Variants in SEC14L6 observed in about 807,000 individuals in gnomAD.
SEC14L6 encodes the protein SEC14-like protein 6.
A neutral mutation model predicts 54.1 loss-of-function variants in SEC14L6; 40 were observed. The ratio of observed to expected loss-of-function variants is 0.74; its 90% confidence interval spans 0.57 to 0.96. SEC14L6 has a LOEUF of 0.96. SEC14L6 is among the 40% of genes least tolerant of loss of function. SEC14L6 has a pLI of 0.00. For synonymous variants in SEC14L6, 171 were observed against 198.4 expected (o/e 0.86, Z 1.16); for missense variants, 471 against 498.3 (o/e 0.95, Z 0.52).
rs115542759 is a variant in SEC14L6, at chr22:30,541,095, G to A, written c.55-2193C>T. Among the ~76,000 whole-genome samples the A allele has an allele frequency of 7.2e-3, 1,092 of 151,622 alleles. 10 individuals carry two copies. Among genetic ancestry groups the A allele is most frequent in the African/African-American group, 0.025 (1,025 of 41,314 alleles). ...GCTTTATGGGGATATAATCAGATGCGAATTCACACTTGAACAACTTGTAAG... is the reference window on the plus strand; with the variant it reads ...GCTTTATGGGGATATAATCAGATGCAAATTCACACTTGAACAACTTGTAAG... On this transcript the variant is annotated intron_variant, in intron 1 of 11. Transcript: ENST00000402034.
At chr22:30,530,128 G>T (rs1353368333) in intron 6 of SEC14L6, among the ~76,000 whole-genome samples, 1 of 152,056 alleles carries the variant, frequency 6.6e-6, no homozygotes, top group Non-Finnish European at 1.5e-5. Flanking sequence ...CTGAGATATT[G>T]TCCGGGCGTG....
chr22:30,527,568 A>G (rs548727694), intron 8 of SEC14L6, among the ~76,000 whole-genome samples: 31 of 152,092 alleles, frequency 2.0e-4, no homozygotes, highest in Admixed American at 1.6e-3. Flanking sequence ...AAGTCCTAAC[A>G]TGTAACCAGG....
chr22:30,531,906 C>T lies in SEC14L6; in HGVS notation c.516G>A (p.Gln172=), dbSNP rs1936987362. 4 of 1,550,318 alleles carry T rather than the reference C, an allele frequency of 2.6e-6. No individual in the cohort carries two copies. Among genetic ancestry groups the T allele is most frequent in the Non-Finnish European group, 3.5e-6 (4 of 1,146,776 alleles). The change falls in exon 6 of 12, where the codon CAG becomes CAA. Residue 172 remains glutamine (Q), a synonymous_variant. Transcript: ENST00000402034. Reference sequence around the variant, plus strand: ...GCCCCTGGCGGGGTCACCTCACCTCCTGGAGAAGCTCTATTCCTGGCTTCC... The same window carrying T: ...GCCCCTGGCGGGGTCACCTCACCTCTTGGAGAAGCTCTATTCCTGGCTTCC... The part of the protein sequence containing the change: ...DLWKPGIELL[Q]EFFSALEANY...
intron 10 of SEC14L6, 44 bp downstream of exon 10, chr22:30,525,567 C>T (rs1318073496): frequency 3.7e-6 from 6 of 1,610,086 alleles, no homozygotes; most frequent in Non-Finnish European, 4.2e-6. Context: ...GGGCTCCAGG[C>T]CCCTCCCAGA....
intron 6 of SEC14L6, among the ~76,000 whole-genome samples, chr22:30,529,626 T>C (rs1206957622): frequency 6.6e-6 from 1 of 152,174 alleles, no homozygotes; most frequent in African/African-American, 2.4e-5. Context: ...TTTTATTTTC[T>C]AGAGATGGGG....
chr22:30,536,848 A>G (rs1223744733), intron 2 of SEC14L6, among the ~76,000 whole-genome samples: 1 of 151,796 alleles, frequency 6.6e-6, no homozygotes, highest in East Asian at 1.9e-4. Context: ...AACATGGTGA[A>G]ACCCCATCTC....
In SEC14L6 at chr22:30,529,090, C is replaced by T. The variant is rs772822156; in HGVS notation, c.661G>A (p.Gly221Arg). ...EETRRKVVILGDNWKQELTKF... is the reference protein window; with the variant it reads ...EETRRKVVILRDNWKQELTKF... ...AGGCCGCAGAGGGCTCACTCACCTCCGAGAATCACCACCTTCCTGCGTGTC... is the reference window on the plus strand; with the variant it reads ...AGGCCGCAGAGGGCTCACTCACCTCTGAGAATCACCACCTTCCTGCGTGTC... Residue 221 changes from glycine (G) to arginine (R), a missense_variant, in exon 8 of 12, where the codon GGA (glycine) becomes AGA (arginine). By Grantham distance (125) the Gly-to-Arg change is moderately radical. Coordinates refer to ENST00000402034, the MANE Select transcript of SEC14L6 (RefSeq NM_001193336.4). 56 of 1,550,550 alleles carry T rather than the reference C, an allele frequency of 3.6e-5. No individual in the cohort carries two copies. Among genetic ancestry groups the T allele is most frequent in the Non-Finnish European group, 4.8e-5 (55 of 1,146,786 alleles).
intron 2 of SEC14L6, 100 bp downstream of exon 2, chr22:30,538,727 A>T (rs2085643510): frequency 1.3e-6 from 1 of 792,634 alleles, no homozygotes; most frequent in African/African-American, 1.8e-5. Context: ...AGTTGTTTTA[A>T]ATGGCTATGT....
At chr22:30,533,771 T>G (rs773301095) in intron 3 of SEC14L6, among the ~76,000 whole-genome samples, 5 of 152,194 alleles carry the variant, frequency 3.3e-5, no homozygotes, top group Admixed American at 1.3e-4. Flanking sequence ...CATTGTACTT[T>G]CCATTCTCAG....
At position 30,525,183 on chromosome 22, in the gene SEC14L6, G is replaced by T. The variant is rs996583488; in HGVS notation, c.1082-74C>A. The T allele has an allele frequency of 3.2e-6, 4 of 1,257,674 alleles. No homozygotes were observed. The African/African-American group carries it at 5.9e-5, about 19-fold the overall frequency. The allele number at this position is 1,257,674 out of a possible 1,614,324, so 77.9% of individuals were successfully genotyped here. A position where few individuals can be genotyped will look rare whatever the true frequency, so the allele number is the denominator to read the frequency against. On this transcript the variant is annotated intron_variant, in intron 11 of 11. Transcript: ENST00000402034. ...GACTTCCATGGTGGTAAATCTCTGCGTGGGTACCCAGACCAGGGAACCATT... is the reference window on the plus strand; with the variant it reads ...GACTTCCATGGTGGTAAATCTCTGCTTGGGTACCCAGACCAGGGAACCATT...
intron 1 of SEC14L6, among the ~76,000 whole-genome samples, chr22:30,539,159 C>A (rs573874127): frequency 6.6e-6 from 1 of 152,210 alleles, no homozygotes; most frequent in South Asian, 2.1e-4. Flanking sequence ...GGAGGATCAC[C>A]TGAGGTCAGG....
At chr22:30,533,286 G>A (rs1025522588) in intron 3 of SEC14L6, 25 of 256,698 alleles carry the variant, frequency 9.7e-5, no homozygotes, top group African/African-American at 5.8e-4. Flanking sequence ...TCTCCAACAC[G>A]ATCTCCGTGT....
At position 30,524,924 on chromosome 22, in the gene SEC14L6, T is replaced by G; in HGVS notation, c.*73A>C. The G allele has an allele frequency of 1.3e-6, 1 of 796,560 alleles. No individual in the cohort carries two copies. The highest frequency in any genetic ancestry group is 1.5e-5 in the South Asian group (1 of 67,740). 49.3% of individuals were successfully genotyped at this position (796,560 alleles called of 1,614,324 possible). A position where few individuals can be genotyped will look rare whatever the true frequency, so the allele number is the denominator to read the frequency against. ...TGTTCCTGAGAGGTTGAACAGGGTCTGGCCAGGGAAGGCTGTGAACTCATT... is the reference window on the plus strand; with the variant it reads ...TGTTCCTGAGAGGTTGAACAGGGTCGGGCCAGGGAAGGCTGTGAACTCATT... On this transcript the variant is annotated 3_prime_UTR_variant, in exon 12 of 12. Transcript: ENST00000402034.
chr22:30,537,537 T>C (rs1489324906), intron 2 of SEC14L6, among the ~76,000 whole-genome samples: 1 of 152,226 alleles, frequency 6.6e-6, no homozygotes, highest in Non-Finnish European at 1.5e-5. Context: ...GAGTATCGCT[T>C]GAGCCCAGGA....
intron 8 of SEC14L6, among the ~76,000 whole-genome samples, chr22:30,527,963 A>T (rs1936831651): frequency 6.6e-6 from 1 of 151,972 alleles, no homozygotes; most frequent in Admixed American, 6.6e-5. Context: ...TATGTATGGT[A>T]TGAACCCATT....
Position 30,538,877 on chromosome 22 carries a change from A to G in SEC14L6, c.80T>C (p.Leu27Pro). The change falls in exon 2 of 12, where the codon CTA becomes CCA. Residue 27 changes from leucine to proline, a missense_variant. By Grantham distance (98) the Leu-to-Pro change is moderately conservative. Transcript: ENST00000402034. ...AQFRENIQDV[L>P]SALPNPDDYF... Reference sequence around the variant, plus strand: ...GTCATCAGGATTGGGCAGCGCAGATAGCACATCTTGGATGTTCTCCCGGAA... The same window carrying G: ...GTCATCAGGATTGGGCAGCGCAGATGGCACATCTTGGATGTTCTCCCGGAA... The G allele has an allele frequency of 6.4e-7, 1 of 1,556,132 alleles. No homozygotes were observed. The highest frequency in any genetic ancestry group is 8.7e-7 in the Non-Finnish European group (1 of 1,149,312).
chr22:30,528,421 T>A (rs1247200495), intron 8 of SEC14L6, among the ~76,000 whole-genome samples: 4 of 123,564 alleles, frequency 3.2e-5, no homozygotes, highest in Non-Finnish European at 5.1e-5. Context: ...GCGCTCGGCC[T>A]CTTTTTTTTT....
intron 3 of SEC14L6, chr22:30,533,110 C>T (rs1937038099): frequency 1.0e-6 from 1 of 985,286 alleles, no homozygotes; most frequent in Admixed American, 6.2e-5. Flanking sequence ...CCCCTGCATC[C>T]TTCCAGATGT....
At position 30,524,126 on chromosome 22, in the gene SEC14L6, AAGC is replaced by A. The variant is rs1936689759; in HGVS notation, c.*868_*870del. ...GAAATTATTCAAACTAGCAAATCTC[AAGC>A]CTGCTTACCCTGCCTCACCAGTTCC... On this transcript the variant is annotated 3_prime_UTR_variant, in exon 12 of 12. Transcript: ENST00000402034. 6.6e-6 allele frequency: 1 copy of A among 152,160 alleles called. No individual in the cohort carries two copies. Among genetic ancestry groups the A allele is most frequent in the Non-Finnish European group, 1.5e-5 (1 of 68,036 alleles). The allele number at this position is 152,160 out of a possible 1,614,324, so 9.4% of individuals were successfully genotyped here. A position where few individuals can be genotyped will look rare whatever the true frequency, so the allele number is the denominator to read the frequency against.
Sources: allele counts gnomAD v4.1 joint callset (sites outside exome capture counted in the v4.1 genomes callset), GRCh38; gene constraint gnomAD v4.1.1; transcripts MANE v1.5; gene names NCBI Gene and HGNC (gene_info 2026-07-23, HGNC 2026-07-21).